The following LYRM4 variants were observed in gnomAD, a reference collection of about 807,000 sequenced individuals.
LYRM4 encodes the protein LYR motif containing 4.
A neutral mutation model predicts 11.7 loss-of-function variants in LYRM4; 9 were observed. The ratio of observed to expected loss-of-function variants is 0.77; its 90% CI spans 0.46 to 1.34. The LOEUF is 1.34. Among genes scored for constraint, LYRM4 ranks in the 40% most tolerant of loss-of-function variants. The pLI, the probability that LYRM4 is intolerant of heterozygous loss-of-function variation, is 0.00. For missense variants in LYRM4, 133 were observed against 112.5 expected (o/e 1.18, Z -0.82); for synonymous variants, 42 against 40.4 (o/e 1.04, Z -0.15).
At chr6:5,241,300 G>A (rs1443382544) in intron 1 of LYRM4, among the ~76,000 whole-genome samples, 3 of 152,194 alleles carry the variant, frequency 2.0e-5, no homozygotes, top group African/African-American at 7.2e-5. Flanking sequence ...CATACAGTGC[G>A]TGACAGACAG....
chr6:5,084,059 C>A, the LYRM4 span, among the ~76,000 whole-genome samples: 1 of 152,090 alleles, frequency 6.6e-6, no homozygotes, highest in African/African-American at 2.4e-5. Context: ...TGCTTGAGGC[C>A]GGGAATTTGA....
the LYRM4 span, among the ~76,000 whole-genome samples, chr6:5,048,616 G>T: frequency 3.9e-5 from 6 of 152,160 alleles, no homozygotes; most frequent in African/African-American, 1.4e-4. Context: ...GGGATTACAG[G>T]TGTGAGTCAA....
downstream of LYRM4, chr6:5,104,335 T>G (rs1314805627): frequency 6.6e-6 from 1 of 152,062 alleles, no homozygotes; most frequent in Admixed American, 6.6e-5. Context: ...AGTGCAGTGG[T>G]GCGATCATGG....
At chr6:5,239,440 G>A (rs1763738154) in intron 1 of LYRM4, among the ~76,000 whole-genome samples, 1 of 152,072 alleles carries the variant, frequency 6.6e-6, no homozygotes, top group Non-Finnish European at 1.5e-5. Context: ...AAGGACAAAT[G>A]GAGGGGAATC....
chr6:5,037,879 G>A, the LYRM4 span, among the ~76,000 whole-genome samples: 2 of 53,896 alleles, frequency 3.7e-5, no homozygotes, highest in Non-Finnish European at 8.9e-5. Context: ...TCACTTCCCA[G>A]TAGGGGCGGC....
At chr6:5,232,890 C>T (rs1763323956) in intron 1 of LYRM4, among the ~76,000 whole-genome samples, 1 of 152,174 alleles carries the variant, frequency 6.6e-6, no homozygotes, top group Non-Finnish European at 1.5e-5. Context: ...CAGCAGCTTC[C>T]CTGTGGGTGT....
the LYRM4 span, among the ~76,000 whole-genome samples, chr6:5,036,532 T>C: frequency 1.3e-5 from 2 of 152,334 alleles, no homozygotes; most frequent in Non-Finnish European, 2.9e-5. Context: ...AGCCCCTGCT[T>C]GGCCATGGTT....
In LYRM4 at chr6:5,245,113, A is replaced by T. The variant is rs2753225; in HGVS notation, c.86+15535T>A. ...TTAAAAAAAAAAAAAAAAAAAAAAA[A>T]ATATATATATATATATATATATATA... On this transcript the variant is annotated intron_variant, in intron 1 of 2. Transcript: ENST00000330636. 3.7e-3 allele frequency among the ~76,000 whole-genome samples: 90 copies of T among 24,004 alleles called. 2 individuals are homozygous for T. Among genetic ancestry groups the T allele is most frequent in the East Asian group, 0.011 (6 of 558 alleles). The allele number at this position is 24,004 out of a possible 152,430, so 15.7% of individuals were successfully genotyped here.
At chr6:5,259,361 T>C (rs1764838808) in intron 1 of LYRM4, among the ~76,000 whole-genome samples, 2 of 82,152 alleles carry the variant, frequency 2.4e-5, no homozygotes, top group African/African-American at 1.8e-4. Flanking sequence ...CCAGTATGCT[T>C]ATTATTACAC....
At chr6:5,138,792 G>C in intron 2 of LYRM4, 1 of 1,359,784 alleles carries the variant, frequency 7.4e-7, no homozygotes, top group Non-Finnish European at 1.0e-6. Context: ...TTAACAGAAA[G>C]AAAGAGTTCT....
At chr6:5,053,564 G>A in the LYRM4 span, among the ~76,000 whole-genome samples, 2 of 151,734 alleles carry the variant, frequency 1.3e-5, no homozygotes, top group Non-Finnish European at 2.9e-5. Flanking sequence ...GAAGTTTGAG[G>A]CTGCAGCGAG....
rs1762763816 is a variant in LYRM4 at position 5,109,150 on chromosome 6, A to G, written c.*273T>C. On this transcript the variant is annotated 3_prime_UTR_variant, in exon 3 of 3. Coordinates refer to ENST00000330636, the MANE Select transcript of LYRM4 (RefSeq NM_020408.6). ...GCTATACACAATGGTCATGAGCTAC[A>G]AGGTAGGAATGGGGTGCAGGGGAGA... 7.7e-7 allele frequency: 1 copy of G among 1,295,502 alleles called. No individual in the cohort carries two copies. Among genetic ancestry groups the G allele is most frequent in the Admixed American group, 3.2e-5 (1 of 31,254 alleles). 80.3% of individuals were successfully genotyped at this position (1,295,502 alleles called of 1,614,324 possible).
chr6:5,193,401 A>C (rs1581476540), intron 2 of LYRM4, among the ~76,000 whole-genome samples: 1 of 152,188 alleles, frequency 6.6e-6, no homozygotes, highest in Admixed American at 6.5e-5. Context: ...AGAAACATGT[A>C]ATAGAAGGCA....
downstream of LYRM4, chr6:5,104,864 T>C (rs943687780): frequency 6.6e-6 from 1 of 152,302 alleles, no homozygotes; most frequent in African/African-American, 2.4e-5. Context: ...CAAGTTCTGC[T>C]GACTCGACTT....
At chr6:5,042,097 G>A in the LYRM4 span, among the ~76,000 whole-genome samples, 8 of 152,264 alleles carry the variant, frequency 5.3e-5, no homozygotes, top group Admixed American at 2.0e-4. Flanking sequence ...GAGGGTGTCC[G>A]TGGAAATTTT....
In LYRM4 at chr6:5,142,934, C is replaced by T. The variant is rs185033019; in HGVS notation, c.208-33443G>A. On this transcript the variant is annotated intron_variant, in intron 2 of 2. Transcript: ENST00000330636. The stretch of plus-strand genomic sequence containing the variant: ...CTCATGCAGATGTCTCCCAGGAGGC[C>T]GCATCGCGGGCCGGTCCCCTGTGTT... Among the ~76,000 whole-genome samples the T allele has an allele frequency of 5.0e-4, 76 of 152,336 alleles. 1 individual carries two copies. The highest frequency in any genetic ancestry group is 8.2e-4 in the Non-Finnish European group (56 of 68,038).
At chr6:5,191,849 T>C (rs1201778732) in intron 2 of LYRM4, among the ~76,000 whole-genome samples, 7 of 152,236 alleles carry the variant, frequency 4.6e-5, no homozygotes, top group Admixed American at 2.6e-4. Flanking sequence ...ATTGACATTA[T>C]GGGCCTCCTG....
In LYRM4 at chr6:5,254,451, T is replaced by A. The variant is rs1167496897; in HGVS notation, c.86+6197A>T. On this transcript the variant is annotated intron_variant, in intron 1 of 2. Transcript: ENST00000330636. ...CATGTTGATTGTAATAGTTCCTATTTTGATTAATAAAGATATATTTGATCC... is the reference window on the plus strand; with the variant it reads ...CATGTTGATTGTAATAGTTCCTATTATGATTAATAAAGATATATTTGATCC... Among the ~76,000 whole-genome samples the A allele has an allele frequency of 2.0e-5, 3 of 152,250 alleles. No homozygotes were observed. In the East Asian group the frequency reaches 5.8e-4, roughly 29 times the overall value.
At chr6:5,252,959 A>G (rs768814231) in intron 1 of LYRM4, among the ~76,000 whole-genome samples, 3 of 152,164 alleles carry the variant, frequency 2.0e-5, no homozygotes, top group African/African-American at 4.8e-5. Flanking sequence ...AGGGCTTCCT[A>G]TGACTTCTGG....
Sources: gnomAD v4.1 joint callset for allele counts (sites outside exome capture counted in the v4.1 genomes callset) on GRCh38, gnomAD v4.1.1 for gene constraint, MANE v1.5 for transcripts, NCBI Gene and HGNC (gene_info 2026-07-23, HGNC 2026-07-21) for gene names.